Variants in DPP6 observed in about 807,000 individuals in gnomAD.
DPP6 encodes dipeptidyl peptidase like 6.
Under a neutral mutation model 122.6 loss-of-function variants are expected in DPP6, and 69 were observed. The ratio of observed to expected loss-of-function variants is 0.56; its 90% CI spans 0.46 to 0.69. The LOEUF (loss-of-function observed/expected upper bound fraction) is 0.69, where lower values mean the gene tolerates loss of function less well. Ranked by LOEUF, DPP6 falls within the 30% of genes least tolerant of loss-of-function variation. The probability of loss-of-function intolerance (pLI) is 0.00; values close to 1 mark genes in which losing one functional copy is unlikely to be tolerated. For synonymous variants in DPP6, 418 were observed against 433.1 expected (o/e 0.97, Z 0.43); for missense variants, 928 against 1,116.9 (o/e 0.83, Z 2.41).
At chr7:153,762,454 A>G in the DPP6 span, among the ~76,000 whole-genome samples, 1 of 152,086 alleles carries the variant, frequency 6.6e-6, no homozygotes, top group African/African-American at 2.4e-5. Flanking sequence ...ATTGCTTCCC[A>G]GGCCACTTAT....
intron 1 of DPP6, among the ~76,000 whole-genome samples, chr7:154,255,330 G>C (rs1325985686): frequency 6.6e-6 from 1 of 152,230 alleles, no homozygotes; most frequent in East Asian, 1.9e-4. Context: ...TGTTATGCCA[G>C]AGAGGATAGT....
intron 1 of DPP6, among the ~76,000 whole-genome samples, chr7:154,385,428 GC>G (rs1292633712): frequency 2.6e-5 from 4 of 152,124 alleles, no homozygotes; most frequent in Non-Finnish European, 5.9e-5. Context: ...ATCAGATTCC[GC>G]CTCCACAGTG....
chr7:154,066,639 C>T (rs1047029635), intron 1 of DPP6, among the ~76,000 whole-genome samples: 2 of 151,314 alleles, frequency 1.3e-5, no homozygotes, highest in Non-Finnish European at 2.9e-5. Flanking sequence ...AGAGTAGGAG[C>T]GAAGAAAGTG....
chr7:153,768,315 CAT>C, the DPP6 span, among the ~76,000 whole-genome samples: 3 of 151,310 alleles, frequency 2.0e-5, no homozygotes, highest in Non-Finnish European at 4.4e-5. Flanking sequence ...ATGCCAGAAA[CAT>C]ATAATATTTT....
intron 1 of DPP6, among the ~76,000 whole-genome samples, chr7:154,117,247 A>G (rs1807055919): frequency 6.6e-6 from 1 of 152,310 alleles, no homozygotes; most frequent in South Asian, 2.1e-4. Flanking sequence ...TAGTAACTCA[A>G]AATAATTGAG....
intron 1 of DPP6, among the ~76,000 whole-genome samples, chr7:153,939,166 C>G (rs927387165): frequency 5.9e-5 from 9 of 152,072 alleles, no homozygotes; most frequent in African/African-American, 2.2e-4. Flanking sequence ...TAAGATCATC[C>G]ATTACCTTAG....
At chr7:154,405,451 C>T (rs1387087205) in intron 1 of DPP6, among the ~76,000 whole-genome samples, 1 of 152,126 alleles carries the variant, frequency 6.6e-6, no homozygotes, top group East Asian at 1.9e-4. Context: ...AAAAGTATTA[C>T]ATATTCCTTT....
intron 3 of DPP6, among the ~76,000 whole-genome samples, chr7:154,490,997 G>A (rs189339292): frequency 2.4e-4 from 37 of 152,268 alleles, no homozygotes; most frequent in African/African-American, 8.9e-4. Flanking sequence ...ACGCACGTGC[G>A]ATATACAAAG....
At chr7:154,615,988 C>T (rs182199081) in intron 5 of DPP6, among the ~76,000 whole-genome samples, 9 of 152,312 alleles carry the variant, frequency 5.9e-5, no homozygotes, top group African/African-American at 2.2e-4. Flanking sequence ...CTTTCTGCAT[C>T]TGGTGTATTG....
chr7:153,947,352 C>G (rs1801994715), intron 1 of DPP6, among the ~76,000 whole-genome samples: 1 of 152,158 alleles, frequency 6.6e-6, no homozygotes, highest in Non-Finnish European at 1.5e-5. Context: ...GAGGGAGGGT[C>G]TGTCTCAGGC....
At chr7:154,381,102 G>C (rs1813561552) in intron 1 of DPP6, among the ~76,000 whole-genome samples, 1 of 152,142 alleles carries the variant, frequency 6.6e-6, no homozygotes, top group Non-Finnish European at 1.5e-5. Context: ...GTGTATCACA[G>C]GTGATGTGGC....
chr7:154,872,607 G>A lies in DPP6; in HGVS notation c.1814-17G>A. The A allele has an allele frequency of 6.3e-7, 1 of 1,590,658 alleles. No homozygotes were observed. On this transcript the variant is annotated splice_polypyrimidine_tract_variant and intron_variant, in intron 18 of 25. Coordinates refer to ENST00000377770, the MANE Select transcript of DPP6 (RefSeq NM_130797.4). ...AGCATTGCCCCCTAACCCGTGCTGT[G>A]CTCTGCTTCTCCCCAGACCTGCCCA...
chr7:154,408,855 T>A (rs1816348929), intron 1 of DPP6, among the ~76,000 whole-genome samples: 1 of 152,138 alleles, frequency 6.6e-6, no homozygotes, highest in African/African-American at 2.4e-5. Flanking sequence ...AATTTATATG[T>A]TAAGGCCGGG....
chr7:154,887,852 C>G, intron 23 of DPP6, 118 bp downstream of exon 23: 1 of 1,206,110 alleles, frequency 8.3e-7, no homozygotes, highest in South Asian at 1.2e-5. Context: ...TTCTCCCTCA[C>G]CAGCACCAAA....
chr7:154,138,171 A>C (rs1795673785), intron 1 of DPP6, among the ~76,000 whole-genome samples: 2 of 152,324 alleles, frequency 1.3e-5, no homozygotes, highest in East Asian at 1.9e-4. Flanking sequence ...CTCTCTCAGA[A>C]GTTCATTAAA....
intron 3 of DPP6, among the ~76,000 whole-genome samples, chr7:154,502,471 G>A (rs917751479): frequency 2.6e-5 from 4 of 152,186 alleles, no homozygotes; most frequent in East Asian, 1.9e-4. Context: ...TCTTTCCTGC[G>A]CTGTTCTAGT....
chr7:154,043,393 CAAAAAAAAAAAAAAAAAAAAAAAAAAA>C (rs58641655), intron 1 of DPP6, among the ~76,000 whole-genome samples: 1 of 5,886 alleles, frequency 1.7e-4, no homozygotes, highest in East Asian at 5.4e-3. Flanking sequence ...AACTCCATCT[CAAAAAAAAAAAAAAAAAAAAAAAAAAA>C]AAAAAAAAAA....
At position 154,062,947 on chromosome 7, in the gene DPP6, T is replaced by G. The variant is rs528145265; in HGVS notation, c.243+9884T>G. 6.9e-4 allele frequency among the ~76,000 whole-genome samples: 92 copies of G among 132,666 alleles called. 11 individuals are homozygous for G. The highest frequency in any genetic ancestry group is 1.4e-3 in the African/African-American group (52 of 36,688). The allele number at this position is 132,666 out of a possible 152,430, so 87.0% of individuals were successfully genotyped here. A position where few individuals can be genotyped will look rare whatever the true frequency, so the allele number is the denominator to read the frequency against. ...TGGGTGTTAGTTGTCCAGGTAGAAATTTCAAATCTTCCGACGGCAGGTACC... is the reference window on the plus strand; with the variant it reads ...TGGGTGTTAGTTGTCCAGGTAGAAAGTTCAAATCTTCCGACGGCAGGTACC... On this transcript the variant is annotated intron_variant, in intron 1 of 25. Coordinates refer to ENST00000377770, the MANE Select transcript of DPP6 (RefSeq NM_130797.4).
the DPP6 span, among the ~76,000 whole-genome samples, chr7:153,799,070 G>A: frequency 1.4e-4 from 22 of 152,178 alleles, no homozygotes; most frequent in African/African-American, 4.1e-4. Flanking sequence ...GGAGGTGTGC[G>A]GCCCTAGACA....
Sources: allele counts gnomAD v4.1 joint callset (sites outside exome capture counted in the v4.1 genomes callset), GRCh38; gene constraint gnomAD v4.1.1; transcripts MANE v1.5; gene names NCBI Gene and HGNC (gene_info 2026-07-23, HGNC 2026-07-21).